The following MED13L variants were observed in gnomAD, a reference collection of about 807,000 sequenced individuals.
MED13L encodes the protein mediator of RNA polymerase II transcription subunit 13-like.
Under a neutral mutation model 220.9 loss-of-function variants are expected in MED13L, and 7 were observed. The ratio of observed to expected loss-of-function variants is 0.03; its 90% CI spans 0.02 to 0.06. The LOEUF (loss-of-function observed/expected upper bound fraction) is 0.06, where lower values mean the gene tolerates loss of function less well. Among genes scored for constraint, MED13L ranks in the 10% least tolerant of loss-of-function variants. The pLI is 1.00. For missense variants in MED13L, 1,965 were observed against 2,760.5 expected, an observed-to-expected ratio of 0.71 and a Z score of 6.46; for synonymous variants, 1,011 against 1,015.2, an observed-to-expected ratio of 1.00 and a Z score of 0.08.
chr12:116,163,505 C>T (rs1363899081), intron 2 of MED13L, among the ~76,000 whole-genome samples: 2 of 151,850 alleles, frequency 1.3e-5, no homozygotes, highest in South Asian at 2.1e-4. Flanking sequence ...GCTGGGATTA[C>T]AGGTGTGCAC....
rs183047914 is a variant in MED13L, at chr12:116,012,996, G to C, written c.1176-95C>G. 2.2e-4 allele frequency: 192 copies of C among 863,320 alleles called. 1 individual carries two copies. In the African/African-American group the frequency reaches 3.0e-3, roughly 13 times the overall value. 53.5% of individuals were successfully genotyped at this position (863,320 alleles called of 1,614,324 possible). ...GAGTTGAATACATTTCATTCACATA[G>C]TAATGGTATCCTGCTGACATGTAGT... On this transcript the variant is annotated intron_variant, in intron 8 of 30. Coordinates refer to ENST00000281928, the MANE Select transcript of MED13L (RefSeq NM_015335.5).
At chr12:116,119,584 T>G (rs1481582502) in intron 2 of MED13L, among the ~76,000 whole-genome samples, 1 of 151,882 alleles carries the variant, frequency 6.6e-6, no homozygotes, top group Non-Finnish European at 1.5e-5. Context: ...GCCTTACACC[T>G]GTAATCCTAT....
chr12:115,971,985 T>G, intron 26 of MED13L, 93 bp downstream of exon 26: 1 of 1,347,468 alleles, frequency 7.4e-7, no homozygotes, highest in Non-Finnish European at 1.0e-6. Flanking sequence ...AGAAATATAA[T>G]GAAGACAATT....
At chr12:116,237,320 G>A in intron 2 of MED13L, 148 bp downstream of exon 2, 1 of 703,784 alleles carries the variant, frequency 1.4e-6, no homozygotes. Flanking sequence ...ATGGGAGGAA[G>A]AGGGGTGAGA....
Position 115,969,012 on chromosome 12 carries a change from G to C in MED13L, c.6153C>G (p.Pro2051=), listed in dbSNP as rs572166453. 3 of 1,614,002 alleles carry C rather than the reference G, an allele frequency of 1.9e-6. No homozygotes were observed. Among genetic ancestry groups the C allele is most frequent in the African/African-American group, 2.7e-5 (2 of 75,018 alleles). The part of the protein sequence containing the change: ...ILMTGNLHSS[P]NSSPVPSPGS... Reference sequence around the variant, plus strand: ...CTGGGGAGGGTACTGGGGAAGAGTTGGGAGAGGAATGGAGGTTCCCAGTCA... The same window carrying C: ...CTGGGGAGGGTACTGGGGAAGAGTTCGGAGAGGAATGGAGGTTCCCAGTCA... Residue 2051 remains proline (P), a synonymous_variant, in exon 28 of 31, where the codon CCC becomes CCG. Coordinates refer to ENST00000281928, the MANE Select transcript of MED13L (RefSeq NM_015335.5).
intron 2 of MED13L, among the ~76,000 whole-genome samples, chr12:116,153,392 G>A (rs1223223441): frequency 2.6e-5 from 4 of 152,146 alleles, no homozygotes; most frequent in Non-Finnish European, 5.9e-5. Flanking sequence ...AGAGCAGGCA[G>A]AGAGCACATT....
intron 2 of MED13L, among the ~76,000 whole-genome samples, chr12:116,119,802 A>G (rs1229461037): frequency 1.1e-5 from 1 of 93,926 alleles, no homozygotes; most frequent in East Asian, 2.9e-4. Flanking sequence ...GAAAGACCCC[A>G]TATCTTTAAA....
chr12:116,243,541 T>C (rs903526608), intron 1 of MED13L, among the ~76,000 whole-genome samples: 4 of 152,100 alleles, frequency 2.6e-5, no homozygotes, highest in African/African-American at 9.7e-5. Context: ...AAAATTTATA[T>C]TGATTCCTAG....
intron 2 of MED13L, among the ~76,000 whole-genome samples, chr12:116,184,425 AAG>A (rs1345730774): frequency 6.6e-6 from 1 of 152,218 alleles, no homozygotes; most frequent in Non-Finnish European, 1.5e-5. Flanking sequence ...GTGTTTAGCT[AAG>A]TGGCAACTAG....
intron 2 of MED13L, among the ~76,000 whole-genome samples, chr12:116,123,735 C>T (rs920056952): frequency 6.6e-6 from 1 of 152,120 alleles, no homozygotes; most frequent in Admixed American, 6.5e-5. Context: ...CGTTGGCATT[C>T]TCTCCCCACC....
chr12:116,212,350 A>G (rs1593170840), intron 2 of MED13L, among the ~76,000 whole-genome samples: 1 of 152,204 alleles, frequency 6.6e-6, no homozygotes, highest in East Asian at 1.9e-4. Flanking sequence ...CATAAATGGT[A>G]AGGGTTGATA....
intron 2 of MED13L, among the ~76,000 whole-genome samples, chr12:116,166,812 A>G (rs894967865): frequency 6.6e-6 from 1 of 152,224 alleles, no homozygotes; most frequent in African/African-American, 2.4e-5. Context: ...GCACAAACTG[A>G]GCACTTAATA....
chr12:116,083,424 A>C (rs1314710172), intron 4 of MED13L, among the ~76,000 whole-genome samples: 1 of 151,454 alleles, frequency 6.6e-6, no homozygotes, highest in Non-Finnish European at 1.5e-5. Flanking sequence ...AAAAAAAAAA[A>C]AAACACCTGC....
In MED13L at chr12:115,970,625, G is replaced by A. The variant is rs1876517111; in HGVS notation, c.6036C>T (p.Tyr2012=). The A allele has an allele frequency of 1.2e-6, 2 of 1,613,956 alleles. No individual in the cohort carries two copies. Among genetic ancestry groups the A allele is most frequent in the East Asian group, 4.5e-5 (2 of 44,876 alleles). ...TGGGGCTAAACCCATCTTCATTGGG[G>A]TAGTTGGCTGGAGCCACCTGGATGG... ...SSTIQVAPAN[Y]PNEDGFSPNN... Residue 2012 remains tyrosine, a synonymous_variant, in exon 27 of 31, where the codon TAC becomes TAT. Transcript: ENST00000281928.
At chr12:116,124,137 A>AAAGAC (rs1875350637) in intron 2 of MED13L, among the ~76,000 whole-genome samples, 1 of 149,926 alleles carries the variant, frequency 6.7e-6, no homozygotes, top group African/African-American at 2.4e-5. Context: ...AGAGAGAGAG[A>AAAGAC]GAGAGAGAGA....
intron 9 of MED13L, 98 bp from the exon 10 acceptor site, chr12:116,009,230 C>T: frequency 8.5e-7 from 1 of 1,180,096 alleles, no homozygotes; most frequent in Non-Finnish European, 1.2e-6. Flanking sequence ...TGTACTAATA[C>T]ATATAAAAGG....
intron 4 of MED13L, among the ~76,000 whole-genome samples, chr12:116,070,711 A>T (rs1354896994): frequency 1.3e-5 from 2 of 152,230 alleles, no homozygotes; most frequent in African/African-American, 2.4e-5. Context: ...TGATTGAGAC[A>T]GCATATAAAG....
At chr12:115,981,243 T>TAC (rs1877308596) in intron 22 of MED13L, among the ~76,000 whole-genome samples, 2 of 152,204 alleles carry the variant, frequency 1.3e-5, no homozygotes. Flanking sequence ...TTATTACAGG[T>TAC]ATTACCATGG....
intron 3 of MED13L, among the ~76,000 whole-genome samples, chr12:116,106,705 G>A (rs1873608255): frequency 6.6e-6 from 1 of 152,036 alleles, no homozygotes; most frequent in Non-Finnish European, 1.5e-5. Context: ...AATTAGCCAG[G>A]TGTGGTGGTG....
Sources: allele counts gnomAD v4.1 joint callset (sites outside exome capture counted in the v4.1 genomes callset), GRCh38; gene constraint gnomAD v4.1.1; transcripts MANE v1.5; gene names NCBI Gene and HGNC (gene_info 2026-07-23, HGNC 2026-07-21).